Variants in RBFOX1 observed in about 807,000 individuals in gnomAD.
RBFOX1 encodes RNA binding fox-1 homolog 1.
In RBFOX1, 8 loss-of-function variants were observed where a neutral mutation model predicts 57.7. The ratio of observed to expected loss-of-function variants is 0.14; its 90% confidence interval spans 0.08 to 0.25. The LOEUF (loss-of-function observed/expected upper bound fraction) is 0.25, where lower values mean the gene tolerates loss of function less well. Among genes scored for constraint, RBFOX1 ranks in the 10% least tolerant of loss-of-function variants. RBFOX1 has a pLI of 1.00. For synonymous variants in RBFOX1, 326 were observed against 222.4 expected (o/e 1.47, Z -4.15); for missense variants, 611 against 548.5 (o/e 1.11, Z -1.14).
At chr16:6,736,542 C>A (rs1448561616) in intron 3 of RBFOX1, among the ~76,000 whole-genome samples, 1 of 152,152 alleles carries the variant, frequency 6.6e-6, no homozygotes. Context: ...ACCTCAATTT[C>A]TTTATTCACT....
At chr16:6,498,132 G>T (rs1219752754) in intron 2 of RBFOX1, among the ~76,000 whole-genome samples, 1 of 151,686 alleles carries the variant, frequency 6.6e-6, no homozygotes, top group East Asian at 2.0e-4. Flanking sequence ...CGTGCCTGTA[G>T]TCCCAGCTAC....
intron 3 of RBFOX1, among the ~76,000 whole-genome samples, chr16:6,667,456 C>T (rs1433557810): frequency 6.6e-6 from 1 of 152,092 alleles, no homozygotes; most frequent in Non-Finnish European, 1.5e-5. Context: ...GGTTATTTAA[C>T]CTCTCAGATG....
At chr16:6,380,178 G>A (rs991216773) in intron 2 of RBFOX1, among the ~76,000 whole-genome samples, 2 of 152,100 alleles carry the variant, frequency 1.3e-5, no homozygotes, top group Admixed American at 6.5e-5. Flanking sequence ...TAGCCACATG[G>A]AAAATGGGAG....
intron 3 of RBFOX1, among the ~76,000 whole-genome samples, chr16:6,793,590 C>G (rs112966856): frequency 0.049 from 7,408 of 152,200 alleles, 258 homozygotes; most frequent in Middle Eastern, 0.14. Flanking sequence ...TTTGAAATGA[C>G]TCATTCTTCA....
At chr16:6,093,467 G>A (rs571278189) in intron 1 of RBFOX1, among the ~76,000 whole-genome samples, 9 of 152,060 alleles carry the variant, frequency 5.9e-5, no homozygotes, top group African/African-American at 2.2e-4. Flanking sequence ...GATCTGGAAG[G>A]ATACTCAATA....
intron 4 of RBFOX1, among the ~76,000 whole-genome samples, chr16:7,432,573 A>G (rs987476346): frequency 2.0e-5 from 3 of 152,220 alleles, no homozygotes; most frequent in Non-Finnish European, 2.9e-5. Flanking sequence ...TTTGTGGGCC[A>G]TCTGGTCTCT....
intron 4 of RBFOX1, among the ~76,000 whole-genome samples, chr16:7,392,385 C>G (rs1597290516): frequency 6.6e-6 from 1 of 152,146 alleles, no homozygotes; most frequent in Admixed American, 6.5e-5. Context: ...GGAGTAATAG[C>G]TACTTGAGGA....
chr16:5,985,572 C>T (rs1466576851), intron 4 of RBFOX1, among the ~76,000 whole-genome samples: 3 of 152,184 alleles, frequency 2.0e-5, no homozygotes, highest in Admixed American at 6.5e-5. Context: ...CCCAGGCAGC[C>T]AGCTCCAAGG....
intron 3 of RBFOX1, among the ~76,000 whole-genome samples, chr16:5,757,158 G>A (rs1043418100): frequency 7.2e-5 from 11 of 151,738 alleles, no homozygotes; most frequent in South Asian, 4.2e-4. Flanking sequence ...GCCCTTGGTC[G>A]ATATTCAGCC....
chr16:7,665,026 C>CAA, intron 13 of RBFOX1, 58 bp downstream of exon 13: 1 of 1,613,736 alleles, frequency 6.2e-7, no homozygotes, highest in Non-Finnish European at 8.5e-7. Context: ...ATTCTTTTTA[C>CAA]AAGTTTGCTG....
chr16:6,040,121 C>A (rs1373446147), intron 1 of RBFOX1, among the ~76,000 whole-genome samples: 1 of 152,226 alleles, frequency 6.6e-6, no homozygotes. Flanking sequence ...TATTACATTA[C>A]ATTTTTATTA....
chr16:6,798,186 G>T (rs1266919526), intron 3 of RBFOX1, among the ~76,000 whole-genome samples: 1 of 152,128 alleles, frequency 6.6e-6, no homozygotes, highest in African/African-American at 2.4e-5. Context: ...TCTCTTCTCT[G>T]GTCGTGTCCC....
chr16:5,366,003 G>A (rs2065703864), intron 1 of RBFOX1: 1 of 499,836 alleles, frequency 2.0e-6, no homozygotes, highest in South Asian at 1.5e-5. Context: ...TTAGAAGGCA[G>A]TCCAATTAAA....
chr16:6,359,175 C>G (rs1696816950), intron 2 of RBFOX1, among the ~76,000 whole-genome samples: 1 of 152,198 alleles, frequency 6.6e-6, no homozygotes, highest in African/African-American at 2.4e-5. Flanking sequence ...TCACTGCAAC[C>G]TCTGCCTTCC....
At chr16:7,625,600 C>T (rs544002902) in intron 10 of RBFOX1, among the ~76,000 whole-genome samples, 47 of 152,222 alleles carry the variant, frequency 3.1e-4, no homozygotes, top group Admixed American at 2.2e-3. Flanking sequence ...TTTTAATCTT[C>T]GAGCTCTTGA....
intron 3 of RBFOX1, among the ~76,000 whole-genome samples, chr16:5,821,477 A>T (rs370898232): frequency 1.3e-5 from 2 of 151,558 alleles, no homozygotes; most frequent in East Asian, 3.9e-4. Flanking sequence ...TAATTTTTTC[A>T]GTTTTTGTAG....
chr16:5,490,729 C>A (rs1370778887), intron 2 of RBFOX1, among the ~76,000 whole-genome samples: 1 of 152,140 alleles, frequency 6.6e-6, no homozygotes, highest in East Asian at 1.9e-4. Flanking sequence ...AGAGCAGCCG[C>A]GTGGGAGAGC....
intron 4 of RBFOX1, among the ~76,000 whole-genome samples, chr16:7,165,398 A>AATAATAATAAT (rs1601602589): frequency 6.8e-6 from 1 of 147,372 alleles, no homozygotes; most frequent in Middle Eastern, 3.6e-3. Context: ...TAATAATAAT[A>AATAATAATAAT]ATAATAATAA....
At chr16:7,129,301 C>T (rs765332896) in intron 4 of RBFOX1, among the ~76,000 whole-genome samples, 1 of 152,074 alleles carries the variant, frequency 6.6e-6, no homozygotes, top group African/African-American at 2.4e-5. Flanking sequence ...AGTGTTTCAT[C>T]GGTTTGGTTA....
Sources: gnomAD v4.1 joint callset for allele counts (sites outside exome capture counted in the v4.1 genomes callset) on GRCh38, gnomAD v4.1.1 for gene constraint, MANE v1.5 for transcripts, NCBI Gene and HGNC (gene_info 2026-07-23, HGNC 2026-07-21) for gene names.